NCKAP5L: variants seen among roughly 807,000 people sequenced by gnomAD.
The protein encoded by NCKAP5L is nck-associated protein 5-like.
A neutral mutation model predicts 103.2 loss-of-function variants in NCKAP5L; 54 were observed. That is an observed-to-expected ratio of 0.52 (90% CI 0.42 to 0.66). The LOEUF (loss-of-function observed/expected upper bound fraction) is 0.66. Among genes scored for constraint, NCKAP5L ranks in the 30% least tolerant of loss-of-function variants. NCKAP5L has a pLI of 0.00. For missense variants in NCKAP5L, 1,733 were observed against 1,750.6 expected (o/e 0.99, Z 0.18); for synonymous variants, 762 against 748.6 (o/e 1.02, Z -0.29).
rs766065419 is a variant in NCKAP5L, at chr12:49,796,357, C to T, written c.1503G>A (p.Leu501=). 14 of 1,571,220 alleles carry T rather than the reference C, an allele frequency of 8.9e-6. No homozygotes were observed. The highest frequency in any genetic ancestry group is 1.2e-5 in the Non-Finnish European group (14 of 1,159,432). ...CTCCTCCACCCAGACCCCTTCGGGC[C>T]AACAGTGGGGAGGGGCTGCCGTCTG... ...SGSDGSPSPL[L]ARRGLGGGEL... Residue 501 remains leucine (L), a synonymous_variant, in exon 8 of 13, where the codon TTG becomes TTA. Transcript: ENST00000335999.
intron 1 of NCKAP5L, among the ~76,000 whole-genome samples, chr12:49,807,727 C>T (rs1017662203): frequency 6.6e-6 from 1 of 152,222 alleles, no homozygotes; most frequent in Admixed American, 6.5e-5. Context: ...AGCATCTGAC[C>T]AGTGCCACCC....
chr12:49,809,745 C>T (rs965513220), intron 1 of NCKAP5L, among the ~76,000 whole-genome samples: 15 of 152,096 alleles, frequency 9.9e-5, no homozygotes, highest in African/African-American at 3.4e-4. Flanking sequence ...AGGCCTGGCT[C>T]CCAGGGCACT....
At chr12:49,818,224 T>C (rs918586039) in intron 1 of NCKAP5L, among the ~76,000 whole-genome samples, 5 of 152,028 alleles carry the variant, frequency 3.3e-5, no homozygotes, top group East Asian at 1.9e-4. Flanking sequence ...CTCCATGACA[T>C]TGGTCTGGGC....
intron 1 of NCKAP5L, among the ~76,000 whole-genome samples, chr12:49,820,732 T>G (rs1946352174): frequency 6.6e-6 from 1 of 152,128 alleles, no homozygotes; most frequent in Non-Finnish European, 1.5e-5. Context: ...AGCCCAGAGG[T>G]GACACCCCAA....
At chr12:49,801,152 C>T (rs758627230) in intron 6 of NCKAP5L, among the ~76,000 whole-genome samples, 1 of 152,212 alleles carries the variant, frequency 6.6e-6, no homozygotes, top group Admixed American at 6.5e-5. Flanking sequence ...GACACAAACA[C>T]GCACACCCCC....
intron 1 of NCKAP5L, among the ~76,000 whole-genome samples, chr12:49,809,927 A>G (rs894242244): frequency 1.3e-5 from 2 of 152,074 alleles, no homozygotes; most frequent in Admixed American, 1.3e-4. Context: ...TCTGTCTTGG[A>G]AGGGGCCCCC....
At chr12:49,811,797 A>C (rs572898474) in intron 1 of NCKAP5L, among the ~76,000 whole-genome samples, 2 of 152,136 alleles carry the variant, frequency 1.3e-5, no homozygotes, top group East Asian at 3.9e-4. Context: ...CAAAAACAAC[A>C]ATCTTTGCTT....
chr12:49,808,089 A>T (rs1266159204), intron 1 of NCKAP5L, among the ~76,000 whole-genome samples: 2 of 152,204 alleles, frequency 1.3e-5, no homozygotes, highest in African/African-American at 4.8e-5. Context: ...CGGACTCTCT[A>T]TGTGTGCACG....
intron 1 of NCKAP5L, among the ~76,000 whole-genome samples, chr12:49,813,040 G>A (rs1174884213): frequency 3.3e-5 from 5 of 152,032 alleles, no homozygotes; most frequent in Non-Finnish European, 7.4e-5. Context: ...TTATTTTATT[G>A]TTATTTTTTA....
chr12:49,800,163 C>G, intron 6 of NCKAP5L, among the ~76,000 whole-genome samples: 1 of 152,242 alleles, frequency 6.6e-6, no homozygotes, highest in East Asian at 1.9e-4. Context: ...CCATTGCACT[C>G]CAGCCTGGGC....
At chr12:49,813,853 T>A (rs1386676483) in intron 1 of NCKAP5L, among the ~76,000 whole-genome samples, 5 of 151,962 alleles carry the variant, frequency 3.3e-5, no homozygotes. Flanking sequence ...AGAGACAAGA[T>A]CTGGCTCTAT....
Position 49,797,267 on chromosome 12 carries a change from T to A in NCKAP5L, c.593A>T (p.Glu198Val). The A allele has an allele frequency of 6.2e-7, 1 of 1,613,508 alleles. No homozygotes were observed. The highest frequency in any genetic ancestry group is 8.5e-7 in the Non-Finnish European group (1 of 1,179,808). Residue 198 changes from glutamate to valine, a missense_variant, in exon 8 of 13, where the codon GAA becomes GTA. Glu to Val is a moderately radical substitution (Grantham distance 121). Transcript: ENST00000335999. This position sits in a 1 kb window ranked among gnomAD's most constrained non-coding sequence, Gnocchi z 4.5. ...GCAGAGAAGCAAGGGGTCAGTCTCT[T>A]CCAGGGCTCTCAGCACCTCCAGAAT... is the stretch of plus-strand genomic sequence containing the variant. Reference protein sequence around the residue: ...AQILEVLRALEETDPLLLCSP... With the variant: ...AQILEVLRALVETDPLLLCSP...
intron 6 of NCKAP5L, among the ~76,000 whole-genome samples, 193 bp downstream of exon 6, chr12:49,801,655 C>T (rs950986515): frequency 3.3e-5 from 5 of 152,162 alleles, no homozygotes; most frequent in East Asian, 3.9e-4. Flanking sequence ...GACACCCTCC[C>T]GCTGGTGGGG....
intron 1 of NCKAP5L, among the ~76,000 whole-genome samples, chr12:49,822,566 T>A (rs1946372900): frequency 6.6e-6 from 1 of 150,730 alleles, no homozygotes; most frequent in Non-Finnish European, 1.5e-5. Context: ...TTTTTTTTTT[T>A]GAGACAGGGT....
rs764381427 is a variant in NCKAP5L at position 49,791,880 on chromosome 12, A to C, written c.3964T>G (p.Ser1322Ala). ...GLETSESLSDSLYDSLSSCGS... is the reference protein window; with the variant it reads ...GLETSESLSDALYDSLSSCGS... ...CAAGAGGACAGCGAGTCGTAGAGTG[A>C]GTCACTGAGAGACTCCGAGGTCTCC... is the stretch of plus-strand genomic sequence containing the variant. The change falls in exon 13 of 13, where the codon TCA (serine) becomes GCA (alanine). Residue 1322 changes from serine (S) to alanine (A), a missense_variant. Ser to Ala is a moderately conservative substitution (Grantham distance 99). Transcript: ENST00000335999. 1 of 1,612,140 alleles carries C rather than the reference A, an allele frequency of 6.2e-7. No homozygotes were observed. Among genetic ancestry groups the C allele is most frequent in the Admixed American group, 1.7e-5 (1 of 59,860 alleles).
At chr12:49,810,830 T>G (rs2137025515) in intron 1 of NCKAP5L, among the ~76,000 whole-genome samples, 1 of 152,350 alleles carries the variant, frequency 6.6e-6, no homozygotes, top group East Asian at 1.9e-4. Context: ...ACAAATTAAT[T>G]AAATAACTGT....
intron 1 of NCKAP5L, among the ~76,000 whole-genome samples, chr12:49,826,258 C>T (rs1946415376): frequency 6.6e-6 from 1 of 152,124 alleles, no homozygotes; most frequent in African/African-American, 2.4e-5. Flanking sequence ...AAACAAGTCC[C>T]AACAGCTGAG....
intron 1 of NCKAP5L, among the ~76,000 whole-genome samples, chr12:49,826,639 G>A (rs1294633262): frequency 6.6e-6 from 1 of 152,184 alleles, no homozygotes; most frequent in Non-Finnish European, 1.5e-5. Flanking sequence ...GAATATTAGA[G>A]CTATCTAGTC....
intron 1 of NCKAP5L, among the ~76,000 whole-genome samples, chr12:49,808,199 A>T (rs1166277064): frequency 6.6e-6 from 1 of 152,218 alleles, no homozygotes; most frequent in Non-Finnish European, 1.5e-5. Context: ...ATCCCAGGCC[A>T]GGAGGCCCGA....
Sources: allele counts gnomAD v4.1 joint callset (sites outside exome capture counted in the v4.1 genomes callset), GRCh38; gene constraint gnomAD v4.1.1; non-coding constraint Gnocchi (gnomAD v3.1); transcripts MANE v1.5; gene names NCBI Gene and HGNC (gene_info 2026-07-23, HGNC 2026-07-21).